The following ASXL2 variants were observed in gnomAD, a reference collection of about 807,000 sequenced individuals.
ASXL2 encodes putative Polycomb group protein ASXL2.
In ASXL2, 23 loss-of-function variants were observed where a neutral mutation model predicts 122.0. The ratio of observed to expected loss-of-function variants is 0.19; its 90% CI spans 0.14 to 0.27. The LOEUF is 0.27. Ranked by LOEUF, ASXL2 falls within the 10% of genes least tolerant of loss-of-function variation. The pLI is 1.00. For missense variants in ASXL2, 1,518 were observed against 1,713.8 expected (o/e 0.89, Z 2.02); for synonymous variants, 650 against 637.0 (o/e 1.02, Z -0.31).
chr2:25,767,845 A>G (rs2088380490), intron 7 of ASXL2, 119 bp from the exon 8 acceptor site: 1 of 1,150,098 alleles, frequency 8.7e-7, no homozygotes, highest in African/African-American at 1.6e-5. Context: ...ACCCTCCCTA[A>G]TGTGTTTTGA....
At chr2:25,818,094 A>G (rs2089259326) in intron 3 of ASXL2, among the ~76,000 whole-genome samples, 1 of 152,268 alleles carries the variant, frequency 6.6e-6, no homozygotes, top group African/African-American at 2.4e-5. Context: ...ACATCAAAGT[A>G]TATTTTCAAA....
chr2:25,846,655 G>GA (rs35452199), intron 1 of ASXL2, among the ~76,000 whole-genome samples: 40,946 of 147,146 alleles, frequency 0.28, 5,806 homozygotes, highest in African/African-American at 0.32. Flanking sequence ...CTCAAAAAAA[G>GA]AAAAAAAAAA....
At chr2:25,778,898 A>G (rs1243668269) in intron 5 of ASXL2, among the ~76,000 whole-genome samples, 1 of 152,160 alleles carries the variant, frequency 6.6e-6, no homozygotes, top group African/African-American at 2.4e-5. Flanking sequence ...TAAATTGGAA[A>G]TGGTATTAAA....
intron 5 of ASXL2, among the ~76,000 whole-genome samples, chr2:25,775,158 G>A (rs1319312114): frequency 1.3e-5 from 2 of 151,484 alleles, no homozygotes; most frequent in East Asian, 1.9e-4. Flanking sequence ...ATGGAGTTTC[G>A]CTCTTGTCAC....
chr2:25,783,502 C>T (rs2088680994), intron 5 of ASXL2, among the ~76,000 whole-genome samples: 1 of 130,144 alleles, frequency 7.7e-6, no homozygotes, highest in South Asian at 2.4e-4. Flanking sequence ...TAGTAATTTC[C>T]ACCATTTTTT....
intron 4 of ASXL2, among the ~76,000 whole-genome samples, chr2:25,801,633 T>TA (rs1159384868): frequency 6.6e-6 from 1 of 152,198 alleles, no homozygotes; most frequent in Non-Finnish European, 1.5e-5. Context: ...CTTCTTTTCT[T>TA]AAAATATGTG....
chr2:25,767,467 T>G, intron 8 of ASXL2, 116 bp downstream of exon 8: 1 of 1,118,524 alleles, frequency 8.9e-7, no homozygotes, highest in South Asian at 1.7e-5. Context: ...TGTCTAATCT[T>G]TGCTATGTAA....
At chr2:25,816,558 A>G (rs972244673) in intron 3 of ASXL2, among the ~76,000 whole-genome samples, 2 of 152,220 alleles carry the variant, frequency 1.3e-5, no homozygotes, top group Admixed American at 1.3e-4. Flanking sequence ...AGGAGAGAAC[A>G]ATCCACAGCC....
chr2:25,771,341 CA>C, intron 6 of ASXL2, 98 bp downstream of exon 6: 1 of 1,035,936 alleles, frequency 9.7e-7, no homozygotes, highest in Non-Finnish European at 1.4e-6. Flanking sequence ...GGCAAGGGCC[CA>C]ATGTAAAAAA....
intron 12 of ASXL2, among the ~76,000 whole-genome samples, chr2:25,745,420 C>T (rs2087925233): frequency 6.6e-6 from 1 of 151,442 alleles, no homozygotes; most frequent in Non-Finnish European, 1.5e-5. Context: ...ACCATGTTGG[C>T]TAGGCTAGTC....
At chr2:25,818,442 T>C (rs905948609) in intron 3 of ASXL2, among the ~76,000 whole-genome samples, 2 of 151,726 alleles carry the variant, frequency 1.3e-5, no homozygotes, top group African/African-American at 4.8e-5. Flanking sequence ...ACCTGGGAGG[T>C]AGAGGTTGCA....
chr2:25,847,056 T>G (rs1325355523), intron 1 of ASXL2, among the ~76,000 whole-genome samples: 1 of 152,262 alleles, frequency 6.6e-6, no homozygotes, highest in East Asian at 1.9e-4. Context: ...TGTTTTATTT[T>G]GTTGTTTACA....
chr2:25,786,494 C>A (rs1161232100), intron 5 of ASXL2, among the ~76,000 whole-genome samples: 1 of 152,042 alleles, frequency 6.6e-6, no homozygotes, highest in Non-Finnish European at 1.5e-5. Context: ...CTGTCTTGGC[C>A]TCCTGAAGTG....
chr2:25,830,022 A>G (rs1189573814), intron 3 of ASXL2, among the ~76,000 whole-genome samples: 1 of 152,232 alleles, frequency 6.6e-6, no homozygotes, highest in Non-Finnish European at 1.5e-5. Context: ...CACCGCCTCA[A>G]ACAGAAGCAA....
At chr2:25,751,726 AAAC>A (rs1043018570) in intron 11 of ASXL2, among the ~76,000 whole-genome samples, 3 of 152,184 alleles carry the variant, frequency 2.0e-5, no homozygotes, top group African/African-American at 4.8e-5. Context: ...TAAATGTACC[AAAC>A]ATCACTTCTA....
chr2:25,852,289 T>C (rs763379662), intron 1 of ASXL2, among the ~76,000 whole-genome samples: 4 of 152,230 alleles, frequency 2.6e-5, no homozygotes, highest in Non-Finnish European at 4.4e-5. Flanking sequence ...TCTTAGCTTG[T>C]AGATTCCCAA....
intron 8 of ASXL2, among the ~76,000 whole-genome samples, chr2:25,760,256 C>G (rs1479340689): frequency 6.6e-6 from 1 of 151,598 alleles, no homozygotes; most frequent in Admixed American, 6.6e-5. Context: ...AAAGGTTGCT[C>G]TTCTTCATAT....
intron 1 of ASXL2, among the ~76,000 whole-genome samples, chr2:25,851,604 T>C (rs2089716066): frequency 1.3e-5 from 2 of 152,224 alleles, no homozygotes; most frequent in South Asian, 4.1e-4. Context: ...TTCCCTCCCT[T>C]TGATAGCTTA....
rs1246090124 is a variant in ASXL2, at chr2:25,750,100, C to T, written c.1456G>A (p.Glu486Lys). ...ACTGGCTTCTGCTCCAAGAGATCCTCATCCTTTGGGCACTTGATGGGAAGA... is the reference window on the plus strand; with the variant it reads ...ACTGGCTTCTGCTCCAAGAGATCCTTATCCTTTGGGCACTTGATGGGAAGA... ...SILPIKCPKD[E>K]DLLEQKPVTS... The change falls in exon 12 of 13, where the codon GAG becomes AAG. Residue 486 changes from glutamate to lysine, a missense_variant. By Grantham distance (56) the Glu-to-Lys change is moderately conservative. Around this residue, in one of 8 missense-constraint regions of ASXL2, gnomAD observed 292 missense variants for 293.5 expected, o/e 1.00. Coordinates refer to ENST00000435504, the MANE Select transcript of ASXL2 (RefSeq NM_018263.6). The T allele has an allele frequency of 1.9e-6, 3 of 1,613,988 alleles. No individual in the cohort carries two copies. Among genetic ancestry groups the T allele is most frequent in the East Asian group, 2.2e-5 (1 of 44,896 alleles).
Sources: gnomAD v4.1 joint callset for allele counts (sites outside exome capture counted in the v4.1 genomes callset) on GRCh38, gnomAD v4.1.1 for gene constraint, gnomAD v4.1.1 regional missense constraint, MANE v1.5 for transcripts, NCBI Gene and HGNC (gene_info 2026-07-23, HGNC 2026-07-21) for gene names.